Variants in HDGFL2 observed in about 807,000 individuals in gnomAD.
HDGFL2 encodes HDGF like 2, also known as hepatoma-derived growth factor-related protein 2.
HDGFL2 carries 36 observed loss-of-function variants against 77.1 expected under a neutral mutation model. That is an observed-to-expected ratio of 0.47 (90% confidence interval 0.36 to 0.62). The LOEUF (loss-of-function observed/expected upper bound fraction) is 0.62, where lower values mean the gene tolerates loss of function less well. Ranked by LOEUF, HDGFL2 falls within the 20% of genes least tolerant of loss-of-function variation. HDGFL2 has a pLI of 0.00. For synonymous variants in HDGFL2, 463 were observed against 413.1 expected, an observed-to-expected ratio of 1.12 and a Z score of -1.46; for missense variants, 976 against 973.4, an observed-to-expected ratio of 1.00 and a Z score of -0.04.
intron 6 of HDGFL2, among the ~76,000 whole-genome samples, chr19:4,492,758 CTGGTGTGTCTGTGTCTA>C (rs1043233332): frequency 9.8e-5 from 10 of 102,502 alleles, no homozygotes; most frequent in South Asian, 6.0e-4. Context: ...GTTTGTGTGT[CTGGTGTGTCTGTGTCTA>C]TGGTGTGTCT....
intron 6 of HDGFL2, among the ~76,000 whole-genome samples, chr19:4,493,132 GTGT>G (rs1395584234): frequency 1.7e-4 from 23 of 135,926 alleles, no homozygotes; most frequent in Middle Eastern, 8.5e-3. Flanking sequence ...TGTGGTGTGT[GTGT>G]TATCTGTGTC....
chr19:4,495,494 C>G (rs866383854), intron 9 of HDGFL2, among the ~76,000 whole-genome samples: 36 of 151,908 alleles, frequency 2.4e-4, no homozygotes, highest in African/African-American at 8.2e-4. Context: ...ACACACAGGC[C>G]CAGAGGACTG....
rs1975868830 is a variant in HDGFL2, at chr19:4,501,220, A to G, written c.1819A>G (p.Thr607Ala). The G allele has an allele frequency of 1.2e-6, 2 of 1,613,688 alleles. No individual in the cohort carries two copies. Among genetic ancestry groups the G allele is most frequent in the Non-Finnish European group, 1.7e-6 (2 of 1,179,968 alleles). The change falls in exon 15 of 16, where the codon ACA becomes GCA. Residue 607 changes from threonine to alanine, a missense_variant. Coordinates refer to ENST00000616600, the MANE Select transcript of HDGFL2 (RefSeq NM_001001520.3). ...CTCAGCCCCAGTGAATGGCGAGGCCACATCACAGAAGGGGGAGAGCGCAGA... is the reference window on the plus strand; with the variant it reads ...CTCAGCCCCAGTGAATGGCGAGGCCGCATCACAGAAGGGGGAGAGCGCAGA... ...DLSAPVNGEA[T>A]SQKGESAEDK...
chr19:4,494,530 A>G, intron 9 of HDGFL2, 55 bp downstream of exon 9: 1 of 1,241,946 alleles, frequency 8.1e-7, no homozygotes, highest in Non-Finnish European at 1.0e-6. Flanking sequence ...TTTATGGAGC[A>G]TCTACTAGGT....
At chr19:4,498,502 C>G (rs904048833) in intron 12 of HDGFL2, 126 bp downstream of exon 12, 23 of 774,634 alleles carry the variant, frequency 3.0e-5, no homozygotes, top group Non-Finnish European at 4.8e-5. Context: ...GGAGTCTGTT[C>G]CGGTTGCTAG....
rs368129703 is a variant in HDGFL2, at chr19:4,475,433, T to G, written c.150-12T>G. 2 of 1,613,726 alleles carry G rather than the reference T, an allele frequency of 1.2e-6. No individual in the cohort carries two copies. Among genetic ancestry groups the G allele is most frequent in the Non-Finnish European group, 1.7e-6 (2 of 1,179,890 alleles). On this transcript the variant is annotated splice_polypyrimidine_tract_variant and intron_variant, in intron 2 of 15. Coordinates refer to ENST00000616600, the MANE Select transcript of HDGFL2 (RefSeq NM_001001520.3). The stretch of plus-strand genomic sequence containing the variant: ...CACTCACCTGGGACTGGCCCCCGTT[T>G]CCCTTCTCCAGAGCCTTCCTGGGAC...
At position 4,475,920 on chromosome 19, in the gene HDGFL2, C is replaced by T. The variant is rs555809993; in HGVS notation, c.288+337C>T. On this transcript the variant is annotated intron_variant, in intron 3 of 15. Transcript: ENST00000616600. Reference sequence around the variant, plus strand: ...TTTTTTTTTTTTTGAGACAGAGTCTCGCTCTGTTGTCCAGGATGGAGTGCA... The same window carrying T: ...TTTTTTTTTTTTTGAGACAGAGTCTTGCTCTGTTGTCCAGGATGGAGTGCA... 8.6e-4 allele frequency among the ~76,000 whole-genome samples: 129 copies of T among 150,064 alleles called. 1 individual carries two copies. The highest frequency in any genetic ancestry group is 2.8e-3 in the African/African-American group (113 of 40,776).
Position 4,496,299 on chromosome 19 carries a change from T to C in HDGFL2, c.1225-3T>C, listed in dbSNP as rs762082435. The C allele has an allele frequency of 1.2e-6, 2 of 1,613,786 alleles. No homozygotes were observed. The highest frequency in any genetic ancestry group is 1.7e-5 in the Admixed American group (1 of 60,020). On this transcript the variant is annotated splice_polypyrimidine_tract_variant and splice_region_variant and intron_variant, in intron 9 of 15. Transcript: ENST00000616600. ...TCCAGCGCGCCCTTCCTGACTGCTA[T>C]AGGCCAAGAAATCAGCGAAGAAGCC...
intron 1 of HDGFL2, 139 bp downstream of exon 1, chr19:4,472,561 T>G: frequency 2.9e-5 from 10 of 345,070 alleles, no homozygotes; most frequent in Non-Finnish European, 4.8e-5. Context: ...GTTCATGGGG[T>G]CTGGGGGTGT....
Position 4,475,311 on chromosome 19 carries a change from C to T in HDGFL2, c.109C>T (p.Pro37Ser), listed in dbSNP as rs747342375. 1 of 1,614,022 alleles carries T rather than the reference C, an allele frequency of 6.2e-7. No homozygotes were observed. The highest frequency in any genetic ancestry group is 1.1e-5 in the South Asian group (1 of 91,088). ...DIADGAVKPP[P>S]NKYPIFFFGT... ...CGCGGATGGCGCCGTGAAGCCCCCA[C>T]CCAACAAGTACCCCATCTTTTTCTT... Residue 37 changes from proline (P) to serine (S), a missense_variant, in exon 2 of 16, where the codon CCC becomes TCC. This residue lies in a region of HDGFL2 where 103 missense variants were observed against 145.7 expected (regional missense o/e 0.71). Transcript: ENST00000616600.
At chr19:4,488,132 A>C (rs1437895003) in intron 3 of HDGFL2, among the ~76,000 whole-genome samples, 1 of 151,800 alleles carries the variant, frequency 6.6e-6, no homozygotes, top group African/African-American at 2.4e-5. Context: ...CACCACACCC[A>C]TCTAATTTTT....
intron 1 of HDGFL2, among the ~76,000 whole-genome samples, chr19:4,473,383 C>T (rs1260164399): frequency 6.6e-6 from 1 of 151,548 alleles, no homozygotes; most frequent in Non-Finnish European, 1.5e-5. Flanking sequence ...TGGGGGTGTC[C>T]AGGGTGCCTC....
chr19:4,487,912 T>C (rs1975403502), intron 3 of HDGFL2, among the ~76,000 whole-genome samples: 1 of 151,740 alleles, frequency 6.6e-6, no homozygotes, highest in South Asian at 2.1e-4. Context: ...TTGTCCTAGC[T>C]TGGCTTCTTC....
At chr19:4,483,946 C>T (rs578004416) in intron 3 of HDGFL2, among the ~76,000 whole-genome samples, 5 of 150,198 alleles carry the variant, frequency 3.3e-5, no homozygotes, top group African/African-American at 4.9e-5. Context: ...CCTGCCACCA[C>T]GCCCAGCTAA....
chr19:4,485,871 AC>A lies in HDGFL2; in HGVS notation c.289-2801del, dbSNP rs543630064. ...AGACCAGCCTGGGCAACATGGTGAA[AC>A]CCCATGTCTACAAAAAAAAAATACA... On this transcript the variant is annotated intron_variant, in intron 3 of 15. Transcript: ENST00000616600. Among the ~76,000 whole-genome samples the A allele has an allele frequency of 1.6e-4, 13 of 81,290 alleles. No homozygotes were observed. The East Asian group carries it at 4.7e-3, about 29-fold the overall frequency. 53.3% of individuals were successfully genotyped at this position (81,290 alleles called of 152,430 possible).
At chr19:4,477,660 C>G (rs961506525) in intron 3 of HDGFL2, among the ~76,000 whole-genome samples, 3 of 152,128 alleles carry the variant, frequency 2.0e-5, no homozygotes, top group Non-Finnish European at 4.4e-5. Flanking sequence ...AGAGGCCTGT[C>G]TTTGAGGAAA....
At chr19:4,482,117 C>T (rs2145167840) in intron 3 of HDGFL2, among the ~76,000 whole-genome samples, 1 of 143,558 alleles carries the variant, frequency 7.0e-6, no homozygotes, top group Non-Finnish European at 1.5e-5. Context: ...ACTGCAAGCT[C>T]CACCTCCCAG....
At position 4,491,818 on chromosome 19, in the gene HDGFL2, G is replaced by A. The variant is rs745503167; in HGVS notation, c.661G>A (p.Gly221Arg). The A allele has an allele frequency of 1.9e-6, 3 of 1,613,848 alleles. No homozygotes were observed. The highest frequency in any genetic ancestry group is 1.1e-5 in the South Asian group (1 of 91,088). The change falls in exon 6 of 16, where the codon GGG becomes AGG. Residue 221 changes from glycine to arginine, a missense_variant. By Grantham distance (125) the Gly-to-Arg change is moderately radical (BLOSUM62 -2). Transcript: ENST00000616600. Reference sequence around the variant, plus strand: ...CCGGGCGCCACGGAGGGGCCCTCTGGGGGGACGGAAAAAAAAGGTAGCGTG... The same window carrying A: ...CCGGGCGCCACGGAGGGGCCCTCTGAGGGGACGGAAAAAAAAGGTAGCGTG... ...AVRAPRRGPL[G>R]GRKKKKAPSA...
intron 3 of HDGFL2, among the ~76,000 whole-genome samples, chr19:4,476,445 G>A (rs1339994451): frequency 2.0e-5 from 3 of 151,206 alleles, no homozygotes; most frequent in Middle Eastern, 3.4e-3. Flanking sequence ...CACCCGCCTC[G>A]GCCTCCCAAA....
Sources: allele counts gnomAD v4.1 joint callset (sites outside exome capture counted in the v4.1 genomes callset), GRCh38; gene constraint gnomAD v4.1.1; regional missense constraint gnomAD v4.1.1; transcripts MANE v1.5; gene names NCBI Gene and HGNC (gene_info 2026-07-23, HGNC 2026-07-21).